The following LONP1 variants were observed in gnomAD, a reference collection of about 807,000 sequenced individuals.
The protein encoded by LONP1 is lon protease homolog, mitochondrial.
A neutral mutation model predicts 98.5 loss-of-function variants in LONP1; 31 were observed. The ratio of observed to expected loss-of-function variants is 0.31; its 90% confidence interval spans 0.24 to 0.42. LONP1 has a LOEUF of 0.42. LONP1 is among the 20% of genes least tolerant of loss of function. LONP1 has a pLI of 1.00. For missense variants in LONP1, 1,336 were observed against 1,350.6 expected (o/e 0.99, Z 0.17); for synonymous variants, 781 against 594.7 (o/e 1.31, Z -4.56).
intron 17 of LONP1, 61 bp downstream of exon 17, chr19:5,693,237 G>A (rs1427081981): frequency 2.4e-5 from 38 of 1,553,332 alleles, no homozygotes; most frequent in Non-Finnish European, 3.0e-5. Context: ...GCGGGGACTG[G>A]GCCTGTCCCG....
intron 7 of LONP1, among the ~76,000 whole-genome samples, chr19:5,706,494 C>T (rs536872747): frequency 6.6e-6 from 1 of 152,168 alleles, no homozygotes; most frequent in Non-Finnish European, 1.5e-5. Context: ...GTAATCCCAG[C>T]TACTCGGGAG....
intron 10 of LONP1, 64 bp from the exon 11 acceptor site, chr19:5,696,821 C>G (rs1203064935): frequency 8.8e-7 from 1 of 1,139,000 alleles, no homozygotes; most frequent in Non-Finnish European, 1.3e-6. Context: ...CGACACCATG[C>G]ACCCTCCAGG....
Position 5,709,335 on chromosome 19 carries a change from CAA to C in LONP1, c.871-934_871-933del, listed in dbSNP as rs780806310. Reference sequence around the variant, plus strand: ...GAAACCCCATCTCCACTAAAAATACCAAAAAAAAAAAAAAAATTAGCCAGGTA... The same window carrying C: ...GAAACCCCATCTCCACTAAAAATACCAAAAAAAAAAAAAATTAGCCAGGTA... On this transcript the variant is annotated intron_variant, in intron 4 of 17. Transcript: ENST00000360614. Among the ~76,000 whole-genome samples, 33 of 131,910 alleles carry C rather than the reference CAA, an allele frequency of 2.5e-4. No individual in the cohort carries two copies. In the East Asian group the frequency reaches 3.3e-3, roughly 13 times the overall value. The allele number at this position is 131,910 out of a possible 152,430, so 86.5% of individuals were successfully genotyped here. A position where few individuals can be genotyped will look rare whatever the true frequency, so the allele number is the denominator to read the frequency against.
At position 5,692,206 on chromosome 19, in the gene LONP1, G is replaced by C. The variant is rs1716170385; in HGVS notation, c.2706C>G (p.Ala902=). ...CGATGCACGTCACCCCTGCGCGCTT[G>C]GCCTGGGGGCAGAGTCAGGGTCAGC... is the stretch of plus-strand genomic sequence containing the variant. ...VGGIKEKTIA[A]KRAGVTCIVL... Residue 902 remains alanine (A), a splice_region_variant and synonymous_variant, in exon 18 of 18, where the codon GCC becomes GCG. Coordinates refer to ENST00000360614, the MANE Select transcript of LONP1 (RefSeq NM_004793.4). The C allele has an allele frequency of 6.2e-7, 1 of 1,610,060 alleles. No homozygotes were observed. Among genetic ancestry groups the C allele is most frequent in the East Asian group, 2.2e-5 (1 of 44,788 alleles).
At chr19:5,698,225 C>T (rs2054977674) in intron 10 of LONP1, among the ~76,000 whole-genome samples, 2 of 152,238 alleles carry the variant, frequency 1.3e-5, no homozygotes, top group South Asian at 2.1e-4. Flanking sequence ...AGCGGGCGGG[C>T]AGATGCTAGG....
intron 17 of LONP1, among the ~76,000 whole-genome samples, chr19:5,692,520 T>G (rs1361653227): frequency 1.3e-5 from 2 of 152,144 alleles, no homozygotes; most frequent in South Asian, 2.1e-4. Context: ...CGGCCTCACA[T>G]CCAGAGGTCA....
intron 1 of LONP1, among the ~76,000 whole-genome samples, chr19:5,717,889 TTC>T (rs1405899517): frequency 7.2e-6 from 1 of 138,176 alleles, no homozygotes; most frequent in Non-Finnish European, 1.6e-5. Flanking sequence ...TTTTCTTTCT[TTC>T]TTTTTTTTTT....
chr19:5,714,007 T>C (rs1196166228), intron 2 of LONP1, among the ~76,000 whole-genome samples, 176 bp downstream of exon 2: 1 of 152,222 alleles, frequency 6.6e-6, no homozygotes, highest in East Asian at 1.9e-4. Flanking sequence ...TACTACAAGC[T>C]GAGTTCTCAG....
chr19:5,719,932 C>T lies in LONP1; in HGVS notation c.201G>A (p.Gly67=), dbSNP rs973321437. The part of the protein sequence containing the change: ...RGPAIGGQWR[G]FWEASSRGGG... ...CGCCGCGGCTGCTCGCTTCCCAAAA[C>T]CCCCGCCATTGGCCCCCAATTGCCG... Residue 67 remains glycine (G), a synonymous_variant, in exon 1 of 18, where the codon GGG becomes GGA. Coordinates refer to ENST00000360614, the MANE Select transcript of LONP1 (RefSeq NM_004793.4). 6 of 1,557,308 alleles carry T rather than the reference C, an allele frequency of 3.9e-6. No individual in the cohort carries two copies. The African/African-American group carries it at 4.1e-5, about 11-fold the overall frequency.
intron 1 of LONP1, chr19:5,717,308 T>C (rs147038541): frequency 6.6e-6 from 1 of 152,296 alleles, no homozygotes; most frequent in East Asian, 1.9e-4. Flanking sequence ...CCCAAAGAAG[T>C]TGCCTCCCAA....
At position 5,693,719 on chromosome 19, in the gene LONP1, C is replaced by A; in HGVS notation, c.2371G>T (p.Asp791Tyr). 1 of 1,614,082 alleles carries A rather than the reference C, an allele frequency of 6.2e-7. No individual in the cohort carries two copies. Among genetic ancestry groups the A allele is most frequent in the Non-Finnish European group, 8.5e-7 (1 of 1,179,996 alleles). ...CTGCCATCCTTGTCACCCTTGGCAT[C>A]CTTGTCCTGTGGCCGTCTCAGGGAT... is the stretch of plus-strand genomic sequence containing the variant. ...ETSLRRPQDK[D>Y]AKGDKDGSLE... The change falls in exon 16 of 18, where the codon GAT becomes TAT. Residue 791 changes from aspartate to tyrosine, a missense_variant. Coordinates refer to ENST00000360614, the MANE Select transcript of LONP1 (RefSeq NM_004793.4).
At chr19:5,697,384 G>C (rs764036839) in intron 10 of LONP1, among the ~76,000 whole-genome samples, 1 of 151,732 alleles carries the variant, frequency 6.6e-6, no homozygotes, top group Non-Finnish European at 1.5e-5. Context: ...AGAGAGCCAC[G>C]TGAGGGTCTG....
rs2145646109 is a variant in LONP1, at chr19:5,720,074, C to A, written c.59G>T (p.Arg20Leu). The change falls in exon 1 of 18, where the codon CGG (arginine) becomes CTG (leucine). Residue 20 changes from arginine (R) to leucine (L), a missense_variant. By Grantham distance (102) the Arg-to-Leu change is moderately radical. Coordinates refer to ENST00000360614, the MANE Select transcript of LONP1 (RefSeq NM_004793.4). The part of the protein sequence containing the change: ...LWGAARCWVL[R>L]RPMLAAAGGR... ...CCCGGCGGCGGCCAGCATCGGCCGC[C>A]GCAGCACCCAGCACCGCGCCGCTCC... The A allele has an allele frequency of 6.6e-7, 1 of 1,525,206 alleles. No individual in the cohort carries two copies. The highest frequency in any genetic ancestry group is 8.8e-7 in the Non-Finnish European group (1 of 1,142,370). 94.5% of individuals were successfully genotyped at this position (1,525,206 alleles called of 1,614,324 possible).
intron 7 of LONP1, among the ~76,000 whole-genome samples, chr19:5,706,662 G>A (rs763216167): frequency 6.6e-6 from 1 of 152,198 alleles, no homozygotes; most frequent in Non-Finnish European, 1.5e-5. Context: ...CATCAGGCAG[G>A]CTGTGATCTG....
chr19:5,719,758 C>A lies in LONP1; in HGVS notation c.375G>T (p.Pro125=), dbSNP rs1352714896. 1 of 1,613,674 alleles carries A rather than the reference C, an allele frequency of 6.2e-7. No homozygotes were observed. Among genetic ancestry groups the A allele is most frequent in the Admixed American group, 1.7e-5 (1 of 60,028 alleles). The change falls in exon 1 of 18, where the codon CCG becomes CCT. Residue 125 remains proline (P), a synonymous_variant. Transcript: ENST00000360614. The part of the protein sequence containing the change: ...MTIPDVFPHL[P]LIAITRNPVF... ...CCGGGTTGCGGGTGATGGCGATGAGCGGCAGGTGCGGAAACACATCGGGGA... is the reference window on the plus strand; with the variant it reads ...CCGGGTTGCGGGTGATGGCGATGAGAGGCAGGTGCGGAAACACATCGGGGA...
At position 5,707,778 on chromosome 19, in the gene LONP1, G is replaced by C; in HGVS notation, c.981C>G (p.Asn327Lys). 1 of 1,613,304 alleles carries C rather than the reference G, an allele frequency of 6.2e-7. No homozygotes were observed. Among genetic ancestry groups the C allele is most frequent in the Non-Finnish European group, 8.5e-7 (1 of 1,179,928 alleles). ...CGCCCATGTCGCTCAGGTAGATGGG[G>C]TTGTCCACCACCCGCTGGCCAGCCT... ...MMQAGQRVVD[N>K]PIYLSDMGAA... Residue 327 changes from asparagine (N) to lysine (K), a missense_variant, in exon 6 of 18, where the codon AAC (asparagine) becomes AAG (lysine). Physicochemically the swap from Asn to Lys is moderately conservative, Grantham distance 94. This residue lies in a region of LONP1 where 97 missense variants were observed against 139.0 expected (regional missense o/e 0.70). Transcript: ENST00000360614.
intron 9 of LONP1, among the ~76,000 whole-genome samples, chr19:5,700,233 C>A (rs967709731): frequency 6.6e-6 from 1 of 152,218 alleles, no homozygotes; most frequent in Non-Finnish European, 1.5e-5. Flanking sequence ...CCTGCCTCAG[C>A]CTCCCAAGTA....
At chr19:5,701,452 T>G (rs2055041573) in intron 8 of LONP1, among the ~76,000 whole-genome samples, 1 of 152,202 alleles carries the variant, frequency 6.6e-6, no homozygotes, top group African/African-American at 2.4e-5. Context: ...TGCCTGAGCC[T>G]GCCGAGTGCC....
At chr19:5,718,484 A>C (rs2055360737) in intron 1 of LONP1, among the ~76,000 whole-genome samples, 1 of 151,824 alleles carries the variant, frequency 6.6e-6, no homozygotes. Flanking sequence ...TCTCAAAAAA[A>C]AAAAAAAAAA....
Sources: gnomAD v4.1 joint callset for allele counts (sites outside exome capture counted in the v4.1 genomes callset) on GRCh38, gnomAD v4.1.1 for gene constraint, gnomAD v4.1.1 regional missense constraint, MANE v1.5 for transcripts, NCBI Gene and HGNC (gene_info 2026-07-23, HGNC 2026-07-21) for gene names.